ADARB2: variants seen among roughly 807,000 people sequenced by gnomAD.
The protein encoded by ADARB2 is adenosine deaminase RNA specific B2 (inactive).
A neutral mutation model predicts 62.2 loss-of-function variants in ADARB2; 25 were observed. The observed-to-expected ratio is 0.40, with a 90% confidence interval of 0.29 to 0.56. The LOEUF (loss-of-function observed/expected upper bound fraction) is 0.56, where lower values mean the gene tolerates loss of function less well. ADARB2 is among the 20% of genes least tolerant of loss of function. ADARB2 has a pLI of 0.43. For missense variants in ADARB2, 1,071 were observed against 1,077.4 expected, an observed-to-expected ratio of 0.99 and a Z score of 0.08; for synonymous variants, 572 against 500.8, an observed-to-expected ratio of 1.14 and a Z score of -1.90.
chr10:1,534,041 G>C (rs1208037005), intron 1 of ADARB2, among the ~76,000 whole-genome samples: 2 of 150,876 alleles, frequency 1.3e-5, no homozygotes, highest in Non-Finnish European at 2.9e-5. Context: ...GAGGGAGGGA[G>C]GGAGAGAGAG....
At chr10:1,300,973 T>C (rs1041187100) in intron 3 of ADARB2, among the ~76,000 whole-genome samples, 3 of 152,192 alleles carry the variant, frequency 2.0e-5, no homozygotes, top group Non-Finnish European at 4.4e-5. Context: ...ATCAAGGAGC[T>C]GAATTGGCCC....
At chr10:1,231,834 G>T (rs1207445798) in intron 6 of ADARB2, among the ~76,000 whole-genome samples, 1 of 152,160 alleles carries the variant, frequency 6.6e-6, no homozygotes, top group East Asian at 1.9e-4. Context: ...CAAAAAGGAG[G>T]AGGAATGTTT....
intron 1 of ADARB2, among the ~76,000 whole-genome samples, chr10:1,529,861 CCT>C (rs1832201538): frequency 6.6e-6 from 1 of 152,210 alleles, no homozygotes; most frequent in African/African-American, 2.4e-5. Context: ...TCTCTGCTCC[CCT>C]GTGACTGCGG....
At chr10:1,384,527 T>C (rs1378411693) in intron 1 of ADARB2, among the ~76,000 whole-genome samples, 1 of 152,184 alleles carries the variant, frequency 6.6e-6, no homozygotes, top group African/African-American at 2.4e-5. Context: ...TGTCTCATTG[T>C]AAACAACAGC....
chr10:1,630,784 G>A (rs1039197239), intron 1 of ADARB2, among the ~76,000 whole-genome samples: 15 of 152,192 alleles, frequency 9.9e-5, no homozygotes, highest in East Asian at 1.9e-4. Flanking sequence ...GTGGAACCCC[G>A]TCTCTACTAA....
chr10:1,532,977 C>T (rs1024690059), intron 1 of ADARB2, among the ~76,000 whole-genome samples: 13 of 152,152 alleles, frequency 8.5e-5, no homozygotes, highest in South Asian at 8.3e-4. Flanking sequence ...AGGGGAGGAA[C>T]CGCATCCTGT....
chr10:1,306,465 G>A (rs374081442), intron 3 of ADARB2, among the ~76,000 whole-genome samples: 1,592 of 152,042 alleles, frequency 0.01, 31 homozygotes, highest in African/African-American at 0.037. Flanking sequence ...AATCAATATC[G>A]TGAAAATGGC....
Position 1,722,955 on chromosome 10 carries a change from G to A in ADARB2, c.100+14096C>T, listed in dbSNP as rs530828964. ...TACATGTGTACACACACACATACAC[G>A]CACACACAGGTGTGCACATACACAC... is the stretch of plus-strand genomic sequence containing the variant. On this transcript the variant is annotated intron_variant, in intron 1 of 9. Transcript: ENST00000381312. Among the ~76,000 whole-genome samples the A allele has an allele frequency of 7.9e-5, 12 of 152,182 alleles. 1 individual carries two copies. Among genetic ancestry groups the A allele is most frequent in the Admixed American group, 1.3e-4 (2 of 15,282 alleles).
chr10:1,199,913 TC>T, intron 8 of ADARB2, 52 bp downstream of exon 8: 2 of 1,453,882 alleles, frequency 1.4e-6, no homozygotes, highest in South Asian at 2.9e-5. Context: ...CACACCTGTG[TC>T]TGGCCTGGTG....
intron 2 of ADARB2, among the ~76,000 whole-genome samples, chr10:1,378,750 T>G (rs1426016283): frequency 6.6e-6 from 1 of 151,786 alleles, no homozygotes; most frequent in Non-Finnish European, 1.5e-5. Flanking sequence ...CAGGCAAGGG[T>G]GGGACTGCAG....
chr10:1,617,149 G>A (rs958912987), intron 1 of ADARB2, among the ~76,000 whole-genome samples: 2 of 146,628 alleles, frequency 1.4e-5, no homozygotes, highest in Non-Finnish European at 3.0e-5. Flanking sequence ...GCTGAGCTCT[G>A]CATCCTGGGA....
intron 3 of ADARB2, among the ~76,000 whole-genome samples, chr10:1,287,726 C>T (rs901024281): frequency 1.3e-5 from 2 of 152,222 alleles, no homozygotes; most frequent in Non-Finnish European, 2.9e-5. Context: ...ACTGCCTGCT[C>T]ACTCTTTAAT....
chr10:1,537,124 C>A (rs1324692942), intron 1 of ADARB2, among the ~76,000 whole-genome samples: 3 of 152,080 alleles, frequency 2.0e-5, no homozygotes, highest in African/African-American at 7.2e-5. Flanking sequence ...AAGAAAAAAA[C>A]AAACAACCCC....
intron 1 of ADARB2, among the ~76,000 whole-genome samples, chr10:1,409,502 G>C (rs867382847): frequency 3.3e-5 from 5 of 151,400 alleles, no homozygotes; most frequent in Non-Finnish European, 7.4e-5. Context: ...AGGATTCTCA[G>C]TGGTGCCGAG....
chr10:1,590,750 G>A (rs949914725), intron 1 of ADARB2, among the ~76,000 whole-genome samples: 8 of 152,212 alleles, frequency 5.3e-5, no homozygotes, highest in Admixed American at 2.6e-4. Flanking sequence ...CCGGAGAGTC[G>A]TGCAGGGGGT....
At chr10:1,459,442 A>T (rs930582723) in intron 1 of ADARB2, among the ~76,000 whole-genome samples, 11 of 152,142 alleles carry the variant, frequency 7.2e-5, no homozygotes, top group Admixed American at 6.5e-4. Flanking sequence ...CAAACACCTC[A>T]TGTTCTCACA....
At chr10:1,724,878 C>T (rs1170008173) in intron 1 of ADARB2, among the ~76,000 whole-genome samples, 1 of 152,190 alleles carries the variant, frequency 6.6e-6, no homozygotes, top group Non-Finnish European at 1.5e-5. Flanking sequence ...CTTGCTCTAA[C>T]CTCTCCACGC....
At chr10:1,635,413 T>C (rs550953237) in intron 1 of ADARB2, among the ~76,000 whole-genome samples, 7 of 152,234 alleles carry the variant, frequency 4.6e-5, no homozygotes, top group Admixed American at 1.3e-4. Flanking sequence ...TCTAAGACGG[T>C]ATGAGCCTTG....
chr10:1,216,727 C>T (rs1029950445), intron 7 of ADARB2: 15 of 613,010 alleles, frequency 2.4e-5, no homozygotes, highest in South Asian at 4.1e-5. Context: ...GCGGCAGCCT[C>T]GGGTGGCAGG....
Sources: allele counts gnomAD v4.1 joint callset (sites outside exome capture counted in the v4.1 genomes callset), GRCh38; gene constraint gnomAD v4.1.1; transcripts MANE v1.5; gene names NCBI Gene and HGNC (gene_info 2026-07-23, HGNC 2026-07-21).